The following WWOX variants were observed in gnomAD, a reference collection of about 807,000 sequenced individuals.
The protein encoded by WWOX is WW domain containing oxidoreductase, also known as WW domain-containing oxidoreductase.
In WWOX, 69 loss-of-function variants were observed where a neutral mutation model predicts 46.2. The ratio of observed to expected loss-of-function variants is 1.49; its 90% CI spans 1.23 to 1.82. The LOEUF is 1.82. WWOX is among the 40% of genes most tolerant of loss of function. The pLI is 0.00. For missense variants in WWOX, 919 were observed against 542.6 expected, an observed-to-expected ratio of 1.69 and a Z score of -6.89; for synonymous variants, 359 against 202.6, an observed-to-expected ratio of 1.77 and a Z score of -6.56.
rs80163359 is a variant in WWOX at position 78,505,479 on chromosome 16, G to A, written c.1056+72727G>A. 5.9e-5 allele frequency among the ~76,000 whole-genome samples: 9 copies of A among 152,132 alleles called. No individual in the cohort carries two copies. The South Asian group carries it at 6.2e-4, about 11-fold the overall frequency. ...AATCATCTTACTTTTTTAACGCTTCGTACCTAGATTTGGCCTGGGCAGCCC... is the reference window on the plus strand; with the variant it reads ...AATCATCTTACTTTTTTAACGCTTCATACCTAGATTTGGCCTGGGCAGCCC... On this transcript the variant is annotated intron_variant, in intron 8 of 8. Coordinates refer to ENST00000566780, the MANE Select transcript of WWOX (RefSeq NM_016373.4).
At chr16:79,138,946 C>G (rs559842672) in intron 8 of WWOX, among the ~76,000 whole-genome samples, 2 of 152,224 alleles carry the variant, frequency 1.3e-5, no homozygotes, top group South Asian at 4.2e-4. Flanking sequence ...TACAGGCAAT[C>G]CATTCACTGC....
rs545129864 is a variant in WWOX at position 79,063,816 on chromosome 16, G to C, written c.1057-147792G>C. 2.6e-5 allele frequency among the ~76,000 whole-genome samples: 4 copies of C among 152,348 alleles called. No homozygotes were observed. In the East Asian group the frequency reaches 7.7e-4, roughly 29 times the overall value. On this transcript the variant is annotated intron_variant, in intron 8 of 8. Coordinates refer to ENST00000566780, the MANE Select transcript of WWOX (RefSeq NM_016373.4). ...CATCCATTTCTGTGGGACCTAAAGA[G>C]TTGGGAAACCTAAACAACCAGATGA... is the stretch of plus-strand genomic sequence containing the variant.
intron 5 of WWOX, among the ~76,000 whole-genome samples, chr16:78,198,036 C>G (rs903315155): frequency 6.6e-6 from 1 of 151,906 alleles, no homozygotes; most frequent in Admixed American, 6.6e-5. Flanking sequence ...CTCCTCTTCC[C>G]TAAAACTGTA....
intron 5 of WWOX, among the ~76,000 whole-genome samples, chr16:78,339,216 A>G (rs1371386127): frequency 8.4e-6 from 1 of 119,690 alleles, no homozygotes; most frequent in Non-Finnish European, 2.0e-5. Flanking sequence ...TATGCCATGT[A>G]GCATATCAAG....
chr16:78,335,354 A>G (rs2080864600), intron 5 of WWOX, among the ~76,000 whole-genome samples: 2 of 152,112 alleles, frequency 1.3e-5, no homozygotes, highest in Non-Finnish European at 1.5e-5. Flanking sequence ...TGCAGCTCCC[A>G]CTTATAAACG....
intron 8 of WWOX, among the ~76,000 whole-genome samples, chr16:78,614,020 C>G (rs2045960965): frequency 6.6e-6 from 1 of 152,220 alleles, no homozygotes; most frequent in African/African-American, 2.4e-5. Context: ...CATATGCCCA[C>G]AAAGCCTAAA....
chr16:79,071,820 G>T (rs748701578), intron 8 of WWOX, among the ~76,000 whole-genome samples: 16 of 152,224 alleles, frequency 1.1e-4, no homozygotes, highest in Non-Finnish European at 2.2e-4. Context: ...AGGGACAAGT[G>T]TGTTGGGAGC....
chr16:79,017,785 C>A (rs945929542), intron 8 of WWOX, among the ~76,000 whole-genome samples: 3 of 151,918 alleles, frequency 2.0e-5, no homozygotes, highest in African/African-American at 7.3e-5. Context: ...TATTTCCACC[C>A]CCATTATTTG....
chr16:78,288,248 T>A (rs2079802274), intron 5 of WWOX, among the ~76,000 whole-genome samples: 1 of 151,262 alleles, frequency 6.6e-6, no homozygotes, highest in African/African-American at 2.4e-5. Context: ...GACAGTGTGA[T>A]GAATTATTTA....
chr16:79,065,024 G>T (rs1285040452), intron 8 of WWOX, among the ~76,000 whole-genome samples: 1 of 152,104 alleles, frequency 6.6e-6, no homozygotes, highest in Non-Finnish European at 1.5e-5. Flanking sequence ...GAGTTCGTCG[G>T]TTGTTTAGGG....
At chr16:79,061,353 C>T (rs1458866270) in intron 8 of WWOX, among the ~76,000 whole-genome samples, 2 of 152,178 alleles carry the variant, frequency 1.3e-5, no homozygotes, top group Non-Finnish European at 2.9e-5. Context: ...TTACTCCCGT[C>T]TAAGGGCTTG....
intron 8 of WWOX, among the ~76,000 whole-genome samples, chr16:78,631,863 C>T (rs1597373124): frequency 6.6e-6 from 1 of 152,140 alleles, no homozygotes; most frequent in Non-Finnish European, 1.5e-5. Context: ...GTAGGAGAAG[C>T]TTGCTCTCTT....
intron 8 of WWOX, among the ~76,000 whole-genome samples, chr16:79,168,543 C>T (rs1382277357): frequency 1.3e-5 from 2 of 152,168 alleles, no homozygotes; most frequent in South Asian, 4.1e-4. Context: ...CCTCCCTGCC[C>T]ACACCTCTGA....
chr16:78,543,690 G>C (rs1381963458), intron 8 of WWOX, among the ~76,000 whole-genome samples: 1 of 152,120 alleles, frequency 6.6e-6, no homozygotes, highest in African/African-American at 2.4e-5. Flanking sequence ...TAAGACCCAA[G>C]ACCTTAACTT....
At chr16:78,626,974 G>T (rs1414374841) in intron 8 of WWOX, among the ~76,000 whole-genome samples, 3 of 151,946 alleles carry the variant, frequency 2.0e-5, no homozygotes, top group Non-Finnish European at 4.4e-5. Context: ...ATCATGGTGT[G>T]GTGTGTTTTT....
intron 8 of WWOX, among the ~76,000 whole-genome samples, chr16:78,575,701 G>C (rs563692037): frequency 6.6e-6 from 1 of 152,080 alleles, no homozygotes; most frequent in Admixed American, 6.6e-5. Context: ...CTAAAGCCAC[G>C]ATTTGGTCTT....
intron 8 of WWOX, among the ~76,000 whole-genome samples, chr16:78,809,004 C>G (rs1055765189): frequency 2.6e-5 from 4 of 152,042 alleles, no homozygotes; most frequent in African/African-American, 9.7e-5. Flanking sequence ...AATTATTATT[C>G]GGAATTTTAT....
intron 8 of WWOX, among the ~76,000 whole-genome samples, chr16:78,557,759 G>C (rs772697537): frequency 7.0e-6 from 1 of 143,610 alleles, no homozygotes; most frequent in Non-Finnish European, 1.5e-5. Flanking sequence ...GCAGTGGCGC[G>C]ATGTCAGCTC....
At chr16:78,246,446 G>C (rs1167998027) in intron 5 of WWOX, among the ~76,000 whole-genome samples, 2 of 152,120 alleles carry the variant, frequency 1.3e-5, no homozygotes, top group Non-Finnish European at 2.9e-5. Context: ...TTAAAGAAGA[G>C]GGGGGAAACC....
Sources: gnomAD v4.1 joint callset for allele counts (sites outside exome capture counted in the v4.1 genomes callset) on GRCh38, gnomAD v4.1.1 for gene constraint, MANE v1.5 for transcripts, NCBI Gene and HGNC (gene_info 2026-07-23, HGNC 2026-07-21) for gene names.